Variants in LHFPL3 observed in about 807,000 individuals in gnomAD.
LHFPL3 encodes LHFPL tetraspan subfamily member 3 protein.
A neutral mutation model predicts 19.3 loss-of-function variants in LHFPL3; 5 were observed. The observed-to-expected ratio is 0.26, with a 90% CI of 0.14 to 0.54. The LOEUF (loss-of-function observed/expected upper bound fraction) is 0.54. LHFPL3 is among the 20% of genes least tolerant of loss of function. The pLI is 0.94. For missense variants in LHFPL3, 249 were observed against 307.4 expected (o/e 0.81, Z 1.42); for synonymous variants, 133 against 126.2 (o/e 1.05, Z -0.36).
chr7:104,660,140 T>C (rs1403337996), intron 1 of LHFPL3, among the ~76,000 whole-genome samples: 1 of 152,116 alleles, frequency 6.6e-6, no homozygotes, highest in East Asian at 1.9e-4. Context: ...TAGCTGGGAC[T>C]ACAGGTGCGT....
intron 1 of LHFPL3, among the ~76,000 whole-genome samples, chr7:104,525,131 A>G (rs777558401): frequency 6.6e-6 from 1 of 152,184 alleles, no homozygotes; most frequent in Non-Finnish European, 1.5e-5. Context: ...GAGCTCCTCA[A>G]TGTGTATCAC....
At chr7:104,496,364 T>G (rs1362571767) in intron 1 of LHFPL3, among the ~76,000 whole-genome samples, 4 of 152,254 alleles carry the variant, frequency 2.6e-5, no homozygotes, top group Admixed American at 2.0e-4. Flanking sequence ...TAATCCAGTC[T>G]ATCATTGTTG....
At chr7:104,645,659 T>TTTTC (rs1791919474) in intron 1 of LHFPL3, among the ~76,000 whole-genome samples, 1 of 127,344 alleles carries the variant, frequency 7.9e-6, no homozygotes, top group Non-Finnish European at 1.7e-5. Context: ...GTTTTCTTTT[T>TTTTC]TTTTTTTTTT....
intron 1 of LHFPL3, among the ~76,000 whole-genome samples, chr7:104,472,204 G>A (rs1266987851): frequency 1.3e-5 from 2 of 151,416 alleles, no homozygotes; most frequent in Admixed American, 1.3e-4. Context: ...ACTACTCAAG[G>A]CTAGTAAATA....
intron 1 of LHFPL3, among the ~76,000 whole-genome samples, chr7:104,339,145 G>A (rs754055165): frequency 2.6e-5 from 4 of 152,146 alleles, no homozygotes; most frequent in Non-Finnish European, 5.9e-5. Context: ...CTACTCGGGA[G>A]GCCGAGATAG....
chr7:104,697,176 C>G (rs1793013265), intron 1 of LHFPL3, among the ~76,000 whole-genome samples: 1 of 152,066 alleles, frequency 6.6e-6, no homozygotes, highest in African/African-American at 2.4e-5. Context: ...TACCGAAGAC[C>G]ACATCTCTTA....
At chr7:104,499,295 G>A (rs985402938) in intron 1 of LHFPL3, among the ~76,000 whole-genome samples, 1 of 152,214 alleles carries the variant, frequency 6.6e-6, no homozygotes, top group African/African-American at 2.4e-5. Context: ...AAAATGAATA[G>A]CACTTTCCCT....
chr7:104,346,681 T>TCTC (rs10685008), intron 1 of LHFPL3, among the ~76,000 whole-genome samples: 82,691 of 151,308 alleles, frequency 0.55, 23,403 homozygotes, highest in East Asian at 0.71. Context: ...TTCTCTTAGT[T>TCTC]CTATAAAAAT....
intron 2 of LHFPL3, among the ~76,000 whole-genome samples, chr7:104,761,421 G>A (rs1794369718): frequency 6.6e-6 from 1 of 151,960 alleles, no homozygotes; most frequent in South Asian, 2.1e-4. Context: ...GACATGTTTT[G>A]AGCAAAAACA....
At chr7:104,385,910 A>G (rs5009168) in intron 1 of LHFPL3, among the ~76,000 whole-genome samples, 62,366 of 151,238 alleles carry the variant, frequency 0.41, 13,188 homozygotes, top group Admixed American at 0.54. Context: ...TCCAATAATT[A>G]CTCCTCCATA....
At chr7:104,551,961 C>T (rs560491391) in intron 1 of LHFPL3, among the ~76,000 whole-genome samples, 108 of 152,240 alleles carry the variant, frequency 7.1e-4, no homozygotes, top group East Asian at 1.5e-3. Context: ...TTCAGTGTTG[C>T]GGCCTACTAC....
intron 1 of LHFPL3, among the ~76,000 whole-genome samples, chr7:104,623,450 C>T (rs1019420588): frequency 4.6e-5 from 7 of 152,024 alleles, no homozygotes; most frequent in African/African-American, 1.4e-4. Flanking sequence ...GCCAACATGG[C>T]GAAACCCTGT....
At chr7:104,644,357 A>G (rs1791890907) in intron 1 of LHFPL3, among the ~76,000 whole-genome samples, 1 of 152,224 alleles carries the variant, frequency 6.6e-6, no homozygotes, top group East Asian at 1.9e-4. Context: ...AGAGTGCTTT[A>G]CTAACTTTCC....
intron 2 of LHFPL3, among the ~76,000 whole-genome samples, chr7:104,822,742 A>G (rs1790699587): frequency 1.3e-5 from 2 of 152,118 alleles, no homozygotes; most frequent in Admixed American, 1.3e-4. Context: ...ACACGGAGCT[A>G]TGGTTCAAAA....
intron 2 of LHFPL3, among the ~76,000 whole-genome samples, chr7:104,776,094 G>T (rs1418542183): frequency 1.3e-5 from 2 of 152,170 alleles, no homozygotes; most frequent in Non-Finnish European, 2.9e-5. Flanking sequence ...ACGCCAGTGG[G>T]TTTTAATCTA....
intron 1 of LHFPL3, among the ~76,000 whole-genome samples, chr7:104,391,099 G>A (rs1584287356): frequency 6.6e-6 from 1 of 151,976 alleles, no homozygotes; most frequent in African/African-American, 2.4e-5. Context: ...TTGTCAGATG[G>A]GTAGATTGCA....
chr7:104,405,512 T>TAA (rs1378311288), intron 1 of LHFPL3, among the ~76,000 whole-genome samples: 1 of 152,178 alleles, frequency 6.6e-6, no homozygotes, highest in Non-Finnish European at 1.5e-5. Flanking sequence ...ATATTTTAGA[T>TAA]AAATTTTCTC....
At chr7:104,614,282 A>T (rs1791265860) in intron 1 of LHFPL3, among the ~76,000 whole-genome samples, 1 of 152,150 alleles carries the variant, frequency 6.6e-6, no homozygotes, top group Admixed American at 6.6e-5. Context: ...AATTATAATT[A>T]TTTGAGTTTC....
At chr7:104,369,995 G>T (rs1203282132) in intron 1 of LHFPL3, among the ~76,000 whole-genome samples, 1 of 152,152 alleles carries the variant, frequency 6.6e-6, no homozygotes, top group Admixed American at 6.5e-5. Flanking sequence ...AAAATAATGT[G>T]ATATAAAGAA....
Sources: gnomAD v4.1 joint callset for allele counts (sites outside exome capture counted in the v4.1 genomes callset) on GRCh38, gnomAD v4.1.1 for gene constraint, MANE v1.5 for transcripts, NCBI Gene and HGNC (gene_info 2026-07-23, HGNC 2026-07-21) for gene names.